NLRP5: variants seen among roughly 807,000 people sequenced by gnomAD.
The protein encoded by NLRP5 is NACHT, LRR and PYD domains-containing protein 5.
Under a neutral mutation model 113.1 loss-of-function variants are expected in NLRP5, and 93 were observed. The observed-to-expected ratio is 0.82, with a 90% CI of 0.70 to 0.98. The LOEUF (loss-of-function observed/expected upper bound fraction) is 0.98. Ranked by LOEUF, NLRP5 falls within the 50% of genes least tolerant of loss-of-function variation. The pLI is 0.00. For missense variants in NLRP5, 1,808 were observed against 1,514.3 expected, an observed-to-expected ratio of 1.19 and a Z score of -3.22; for synonymous variants, 751 against 600.7, an observed-to-expected ratio of 1.25 and a Z score of -3.66.
In NLRP5 at chr19:56,034,782, AG is replaced by A. The variant is rs138928910; in HGVS notation, c.2615+1074del. Reference sequence around the variant, plus strand: ...TGATGATGGCCATTCAATGCTATGGAGTACCACAGTTTAACCATTCACCATC... The same window carrying A: ...TGATGATGGCCATTCAATGCTATGGATACCACAGTTTAACCATTCACCATC... On this transcript the variant is annotated intron_variant, in intron 9 of 14. Coordinates refer to ENST00000390649, the MANE Select transcript of NLRP5 (RefSeq NM_153447.4). Among the ~76,000 whole-genome samples the A allele has an allele frequency of 5.0e-3, 761 of 152,240 alleles. 6 individuals carry two copies. Among genetic ancestry groups the A allele is most frequent in the African/African-American group, 0.017 (707 of 41,556 alleles).
At chr19:56,026,084 A>G (rs879523) in intron 6 of NLRP5, among the ~76,000 whole-genome samples, 5 of 151,744 alleles carry the variant, frequency 3.3e-5, no homozygotes, top group Non-Finnish European at 2.9e-5. Context: ...TAGATTGTTA[A>G]GAAGCTTTTG....
chr19:56,000,743 C>T (rs1289315351), intron 1 of NLRP5, among the ~76,000 whole-genome samples: 2 of 151,796 alleles, frequency 1.3e-5, no homozygotes, highest in Non-Finnish European at 2.9e-5. Context: ...TGTGGTGGCT[C>T]ACGCCTATAA....
rs1421524136 is a variant in NLRP5 at position 56,019,962 on chromosome 19, G to A, written c.623-413G>A. On this transcript the variant is annotated intron_variant, in intron 5 of 14. Coordinates refer to ENST00000390649, the MANE Select transcript of NLRP5 (RefSeq NM_153447.4). ...AGCGATTCTTCTGTCTCAGCCTCCCGAGTAGCTGGGATTACAGGCACCTGC... is the reference window on the plus strand; with the variant it reads ...AGCGATTCTTCTGTCTCAGCCTCCCAAGTAGCTGGGATTACAGGCACCTGC... Among the ~76,000 whole-genome samples the A allele has an allele frequency of 9.2e-5, 14 of 151,420 alleles. No individual in the cohort carries two copies. The South Asian group carries it at 2.3e-3, about 25-fold the overall frequency.
upstream of NLRP5, among the ~76,000 whole-genome samples, chr19:55,996,394 C>T (rs1485753391): frequency 6.6e-6 from 1 of 152,050 alleles, no homozygotes; most frequent in East Asian, 1.9e-4. Flanking sequence ...GGTACATGTG[C>T]ACAACGTGCA....
At chr19:56,050,276 CAA>C (rs5828668) in intron 11 of NLRP5, 140 bp from the exon 12 acceptor site, 53 of 540,668 alleles carry the variant, frequency 9.8e-5, no homozygotes, top group East Asian at 2.2e-4. Context: ...CAAGACTCCT[CAA>C]AAAAAAAAAA....
chr19:56,033,229 T>A (rs1259511136), intron 8 of NLRP5, among the ~76,000 whole-genome samples: 1 of 152,166 alleles, frequency 6.6e-6, no homozygotes, highest in East Asian at 1.9e-4. Context: ...CCAGCCTGGG[T>A]GACAGAGTGA....
chr19:56,004,350 G>A (rs28511268), intron 2 of NLRP5, among the ~76,000 whole-genome samples: 10,515 of 152,132 alleles, frequency 0.069, 667 homozygotes, highest in African/African-American at 0.17. Context: ...ATAGGATTTG[G>A]GTTGTAAGTG....
chr19:55,998,690 A>ATATATGTGTGTGTGTGTGTGTG (rs1981442235), upstream of NLRP5, among the ~76,000 whole-genome samples: 5 of 56,268 alleles, frequency 8.9e-5, no homozygotes, highest in Non-Finnish European at 1.2e-4. Context: ...ATATATATAT[A>ATATATGTGTGTGTGTGTGTGTG]TATATATATA....
upstream of NLRP5, among the ~76,000 whole-genome samples, chr19:55,998,714 G>GTGTATATATATATATATATGTGTA (rs796632835): frequency 1.2e-4 from 9 of 76,004 alleles, no homozygotes; most frequent in East Asian, 4.3e-4. Flanking sequence ...GTGTGTGTGT[G>GTGTATATATATATATATATGTGTA]TATATATATA....
intron 4 of NLRP5, 100 bp from the exon 5 acceptor site, chr19:56,019,242 G>GAAAAAAAA: frequency 7.4e-7 from 1 of 1,355,224 alleles, no homozygotes. Context: ...CAACTGGCCA[G>GAAAAAAAA]AAAATAAATA....
At chr19:55,994,660 T>C in the NLRP5 span, among the ~76,000 whole-genome samples, 8 of 152,220 alleles carry the variant, frequency 5.3e-5, no homozygotes, top group African/African-American at 1.9e-4. Context: ...CCTCCCAAAG[T>C]GCTGGAGTTA....
At chr19:56,021,216 A>G (rs1216410634) in intron 6 of NLRP5, among the ~76,000 whole-genome samples, 1 of 152,102 alleles carries the variant, frequency 6.6e-6, no homozygotes, top group Non-Finnish European at 1.5e-5. Context: ...GCTAAACCTT[A>G]TGGAATGAAG....
At chr19:55,995,156 C>T (rs1272157793), upstream of NLRP5, among the ~76,000 whole-genome samples, 2 of 152,020 alleles carry the variant, frequency 1.3e-5, no homozygotes, top group African/African-American at 4.8e-5. Flanking sequence ...GGGAATTGAA[C>T]AATGAGAACA....
chr19:56,050,007 T>C (rs1983870646), intron 11 of NLRP5, among the ~76,000 whole-genome samples: 1 of 152,020 alleles, frequency 6.6e-6, no homozygotes, highest in African/African-American at 2.4e-5. Flanking sequence ...TGGCCAGGTG[T>C]GGTGGCTGAC....
chr19:56,028,426 G>C lies in NLRP5; in HGVS notation c.2193G>C (p.Pro731=), dbSNP rs550620807. 6.2e-7 allele frequency: 1 copy of C among 1,613,918 alleles called. No individual in the cohort carries two copies. Reference sequence around the variant, plus strand: ...CTTCCTTCTGCCTCCAGCACTGTCCGTATTTGCGGAAAATTCGGGTGGATG... The same window carrying C: ...CTTCCTTCTGCCTCCAGCACTGTCCCTATTTGCGGAAAATTCGGGTGGATG... The change falls in exon 7 of 15, where the codon CCG becomes CCC. Residue 731 remains proline, a synonymous_variant. Transcript: ENST00000390649.
chr19:56,036,055 A>ATTTTTTTT (rs1261118713), intron 9 of NLRP5, among the ~76,000 whole-genome samples: 4 of 90,582 alleles, frequency 4.4e-5, no homozygotes, highest in Admixed American at 1.2e-4. Flanking sequence ...ATGAATTGAG[A>ATTTTTTTT]TTCTTTTTTT....
At chr19:55,998,826 T>C (rs1981483440), upstream of NLRP5, among the ~76,000 whole-genome samples, 1 of 150,800 alleles carries the variant, frequency 6.6e-6, no homozygotes, top group African/African-American at 2.4e-5. Context: ...AATAATTGTA[T>C]ATATTTGCGA....
upstream of NLRP5, among the ~76,000 whole-genome samples, chr19:55,995,804 T>A (rs1003386556): frequency 3.9e-5 from 6 of 152,172 alleles, no homozygotes; most frequent in African/African-American, 1.2e-4. Context: ...ACCTCCTTAG[T>A]TAAATTTATT....
rs138588606 is a variant in NLRP5 at position 56,010,030 on chromosome 19, G to A, written c.508+1177G>A. On this transcript the variant is annotated intron_variant, in intron 3 of 14. Transcript: ENST00000390649. Reference sequence around the variant, plus strand: ...ATAAGTTACCAAATGGTGGCTTAGAGCGTAAAATAAACACACAGAGTAACC... The same window carrying A: ...ATAAGTTACCAAATGGTGGCTTAGAACGTAAAATAAACACACAGAGTAACC... 1.5e-3 allele frequency among the ~76,000 whole-genome samples: 229 copies of A among 152,312 alleles called. 1 individual carries two copies. The highest frequency in any genetic ancestry group is 5.4e-3 in the African/African-American group (223 of 41,562).
Sources: gnomAD v4.1 joint callset for allele counts (sites outside exome capture counted in the v4.1 genomes callset) on GRCh38, gnomAD v4.1.1 for gene constraint, MANE v1.5 for transcripts, NCBI Gene and HGNC (gene_info 2026-07-23, HGNC 2026-07-21) for gene names.